The following DPH7 variants were observed in gnomAD, a reference collection of about 807,000 sequenced individuals.
DPH7 encodes the protein diphthine methyltransferase.
In DPH7, 44 loss-of-function variants were observed where a neutral mutation model predicts 41.7. The observed-to-expected ratio is 1.05, with a 90% CI of 0.83 to 1.36. The LOEUF (loss-of-function observed/expected upper bound fraction) is 1.36, where lower values mean the gene tolerates loss of function less well. DPH7 is among the 40% of genes most tolerant of loss of function. The pLI is 0.00. For missense variants in DPH7, 629 were observed against 577.5 expected (o/e 1.09, Z -0.91); for synonymous variants, 275 against 238.0 (o/e 1.16, Z -1.43).
intron 5 of DPH7, among the ~76,000 whole-genome samples, chr9:137,573,292 C>T (rs1370469985): frequency 1.5e-5 from 2 of 137,244 alleles, no homozygotes; most frequent in African/African-American, 5.5e-5. Flanking sequence ...ACCTGGGAGG[C>T]GGAGCTTGCA....
Position 137,574,259 on chromosome 9 carries a change from C to A in DPH7, c.589G>T (p.Glu197Ter). 5.0e-6 allele frequency: 8 copies of A among 1,614,160 alleles called. No individual in the cohort carries two copies. Among genetic ancestry groups the A allele is most frequent in the Non-Finnish European group, 6.8e-6 (8 of 1,180,034 alleles). Residue 197 changes from glutamate to a stop codon, truncating the protein, a stop_gained, in exon 5 of 9, where the codon GAG becomes TAG. Transcript: ENST00000277540. LOFTEE classifies it high-confidence loss of function. ...KVASWQAHQFEAWIAAFNYWH... is the reference protein window; with the variant it reads ...KVASWQAHQF ...TAATTGAAAGCAGCAATCCAGGCCTCGAATTGATGTGCCTGCCATGAGGCC... is the reference window on the plus strand; with the variant it reads ...TAATTGAAAGCAGCAATCCAGGCCTAGAATTGATGTGCCTGCCATGAGGCC...
intron 8 of DPH7, among the ~76,000 whole-genome samples, chr9:137,563,710 A>G (rs968369034): frequency 1.3e-5 from 2 of 151,880 alleles, no homozygotes; most frequent in African/African-American, 2.4e-5. Context: ...TGGGAAGATG[A>G]GGTGGTTTTG....
chr9:137,565,158 T>A lies in DPH7; in HGVS notation c.641-4A>T. 1 of 1,613,936 alleles carries A rather than the reference T, an allele frequency of 6.2e-7. No homozygotes were observed. The highest frequency in any genetic ancestry group is 8.5e-7 in the Non-Finnish European group (1 of 1,180,008). ...CTCAGAAGGCCATCGTCGCCCCCTG[T>A]GTGGAGAAAGAGAAGCATCAACACC... On this transcript the variant is annotated splice_region_variant and splice_polypyrimidine_tract_variant and intron_variant, in intron 5 of 8. Transcript: ENST00000277540.
rs1398732484 is a variant in DPH7 at position 137,574,770 on chromosome 9, G to T, written c.449C>A (p.Ser150Tyr). ...EQCLALSLDW[S>Y]TGKTGRAGDQ... is the part of the protein sequence containing the mutation. ...CCCTTACCTTCCAGTTTTCCCAGTG[G>T]ACCAATCTAGGGACAAAGCCAGACA... Residue 150 changes from serine (S) to tyrosine (Y), a missense_variant, in exon 4 of 9, where the codon TCC becomes TAC. Physicochemically the swap from Ser to Tyr is moderately radical, Grantham distance 144 (BLOSUM62 -2). Coordinates refer to ENST00000277540, the MANE Select transcript of DPH7 (RefSeq NM_138778.5). The T allele has an allele frequency of 4.0e-5, 64 of 1,613,828 alleles. No homozygotes were observed. The highest frequency in any genetic ancestry group is 1.6e-4 in the Middle Eastern group (1 of 6,064).
chr9:137,559,527 ATGC>A (rs1304181504), intron 8 of DPH7, among the ~76,000 whole-genome samples: 1 of 152,186 alleles, frequency 6.6e-6, no homozygotes, highest in East Asian at 1.9e-4. Context: ...TCTCCCCGTG[ATGC>A]TGTGCTTCAG....
chr9:137,574,580 G>T, intron 4 of DPH7, 172 bp downstream of exon 4: 1 of 831,874 alleles, frequency 1.2e-6, no homozygotes, highest in Non-Finnish European at 1.9e-6. Flanking sequence ...AAACACTATC[G>T]CTATGTATCT....
chr9:137,578,733 G>A lies in DPH7; in HGVS notation c.45C>T (p.Thr15=). 6.5e-7 allele frequency: 1 copy of A among 1,529,420 alleles called. No individual in the cohort carries two copies. The highest frequency in any genetic ancestry group is 1.2e-5 in the South Asian group (1 of 81,878). 94.7% of individuals were successfully genotyped at this position (1,529,420 alleles called of 1,614,324 possible). Residue 15 remains threonine (T), a synonymous_variant, in exon 1 of 9, where the codon ACC becomes ACT. Coordinates refer to ENST00000277540, the MANE Select transcript of DPH7 (RefSeq NM_138778.5). ...GCGGGCACCACTCCACCGAGTCCGC[G>A]GTCAGCTCGGTGTCCACCGTTTGCA... ...FALQTVDTEL[T]ADSVEWCPLQ... is the part of the protein sequence containing the mutation.
intron 8 of DPH7, among the ~76,000 whole-genome samples, chr9:137,558,248 G>A (rs62590224): frequency 0.012 from 1,827 of 152,278 alleles, 22 homozygotes; most frequent in Non-Finnish European, 0.019. Flanking sequence ...AAGAACTGAA[G>A]GCTGGATGCA....
At position 137,574,365 on chromosome 9, in the gene DPH7, G is replaced by T. The variant is rs754503628; in HGVS notation, c.483C>A (p.Pro161=). 18 of 1,613,952 alleles carry T rather than the reference G, an allele frequency of 1.1e-5. No homozygotes were observed. In the African/African-American group the frequency reaches 1.9e-4, roughly 17 times the overall value. The part of the protein sequence containing the change: ...TGKTGRAGDQ[P]LKIISSDSTG... ...TGGAGTCACTGCTGATGATCTTCAA[G>T]GGCTGGTCCCCGGCCCTAGACACAG... Residue 161 remains proline (P), a synonymous_variant, in exon 5 of 9, where the codon CCC becomes CCA. Coordinates refer to ENST00000277540, the MANE Select transcript of DPH7 (RefSeq NM_138778.5).
chr9:137,571,444 T>G (rs543072832), intron 5 of DPH7, among the ~76,000 whole-genome samples: 2 of 152,070 alleles, frequency 1.3e-5, no homozygotes, highest in East Asian at 1.9e-4. Flanking sequence ...CTTGGCCTCC[T>G]AAAGTGCTGG....
At position 137,565,092 on chromosome 9, in the gene DPH7, T is replaced by A. The variant is rs745434658; in HGVS notation, c.703A>T (p.Ser235Cys). Residue 235 changes from serine to cysteine, a missense_variant, in exon 6 of 9, where the codon AGC (serine) becomes TGC (cysteine). Physicochemically the swap from Ser to Cys is moderately radical, Grantham distance 112. Coordinates refer to ENST00000277540, the MANE Select transcript of DPH7 (RefSeq NM_138778.5). ...TRVPGKFLFT[S>C]KRHTMGVCSI... ...TGGCCCTTGGGCAGTTACCTTTTGCTGGTGAAGAGAAATTTGCCGGGTACC... is the reference window on the plus strand; with the variant it reads ...TGGCCCTTGGGCAGTTACCTTTTGCAGGTGAAGAGAAATTTGCCGGGTACC... The A allele has an allele frequency of 6.2e-7, 1 of 1,614,018 alleles. No individual in the cohort carries two copies. The highest frequency in any genetic ancestry group is 8.5e-7 in the Non-Finnish European group (1 of 1,180,010).
chr9:137,561,636 C>T (rs1039178008), intron 8 of DPH7, among the ~76,000 whole-genome samples: 2 of 151,816 alleles, frequency 1.3e-5, no homozygotes, highest in Non-Finnish European at 2.9e-5. Flanking sequence ...TGCATCACGC[C>T]ACACTGAAGT....
At chr9:137,575,913 ACG>A in intron 3 of DPH7, 165 bp downstream of exon 3, 1 of 1,426,392 alleles carries the variant, frequency 7.0e-7, no homozygotes, top group South Asian at 1.5e-5. Flanking sequence ...TGGATGTAGA[ACG>A]CAATACAACT....
intron 8 of DPH7, among the ~76,000 whole-genome samples, chr9:137,557,151 G>A (rs1837653510): frequency 6.6e-6 from 1 of 152,092 alleles, no homozygotes; most frequent in African/African-American, 2.4e-5. Flanking sequence ...CAAGCAATCC[G>A]CCCACCCTTC....
At position 137,556,990 on chromosome 9, in the gene DPH7, TCTGTCGCATAGG is replaced by T; in HGVS notation, c.950-1354_950-1343del. 1 of 441,436 alleles carries T rather than the reference TCTGTCGCATAGG, an allele frequency of 2.3e-6. No homozygotes were observed. The highest frequency in any genetic ancestry group is 4.6e-6 in the Non-Finnish European group (1 of 219,338). The allele number at this position is 441,436 out of a possible 1,614,324, so 27.3% of individuals were successfully genotyped here. On this transcript the variant is annotated intron_variant, in intron 8 of 8. Coordinates refer to ENST00000277540, the MANE Select transcript of DPH7 (RefSeq NM_138778.5). This position sits in a 1 kb window ranked among gnomAD's most constrained non-coding sequence, Gnocchi z 5.2. ...TTTTATTTTCAAGACAGGACCTCAC[TCTGTCGCATAGG>T]CTGGAGTGCACTGACCTGGGCTCTG...
chr9:137,577,349 G>C, intron 2 of DPH7, 121 bp downstream of exon 2: 2 of 1,030,646 alleles, frequency 1.9e-6, no homozygotes. Flanking sequence ...AGGCGGGACA[G>C]CAAAGAAACA....
chr9:137,563,757 G>A (rs1413166210), intron 8 of DPH7, among the ~76,000 whole-genome samples: 2 of 152,202 alleles, frequency 1.3e-5, no homozygotes, highest in East Asian at 3.9e-4. Flanking sequence ...AGAGAGAAGA[G>A]GCGAAAGAGG....
chr9:137,557,443 T>G (rs1443775287), intron 8 of DPH7, among the ~76,000 whole-genome samples: 1 of 151,820 alleles, frequency 6.6e-6, no homozygotes, highest in Admixed American at 6.6e-5. Context: ...GAGGTGGAGG[T>G]TGCATGAGCC....
At chr9:137,564,861 G>A (rs1046696503) in intron 7 of DPH7, 32 bp downstream of exon 7, 43 of 1,575,788 alleles carry the variant, frequency 2.7e-5, no homozygotes, top group Middle Eastern at 1.9e-4. Flanking sequence ...CGAAAGAGAC[G>A]AGAAGGGCCC....
Sources: gnomAD v4.1 joint callset for allele counts (sites outside exome capture counted in the v4.1 genomes callset) on GRCh38, gnomAD v4.1.1 for gene constraint, Gnocchi (gnomAD v3.1) non-coding constraint, MANE v1.5 for transcripts, NCBI Gene and HGNC (gene_info 2026-07-23, HGNC 2026-07-21) for gene names.